SUSD4: variants seen among roughly 807,000 people sequenced by gnomAD.
The protein encoded by SUSD4 is sushi domain containing 4.
SUSD4 carries 41 observed loss-of-function variants against 50.5 expected under a neutral mutation model. The observed-to-expected ratio is 0.81, with a 90% CI of 0.63 to 1.05. SUSD4 has a LOEUF of 1.05. Ranked by LOEUF, SUSD4 falls within the 50% of genes least tolerant of loss-of-function variation. SUSD4 has a pLI of 0.00. For synonymous variants in SUSD4, 257 were observed against 257.3 expected, an observed-to-expected ratio of 1.00 and a Z score of 0.01; for missense variants, 580 against 634.7, an observed-to-expected ratio of 0.91 and a Z score of 0.93.
chr1:223,291,038 A>G (rs1196532435), intron 3 of SUSD4, among the ~76,000 whole-genome samples: 1 of 152,186 alleles, frequency 6.6e-6, no homozygotes, highest in Non-Finnish European at 1.5e-5. Context: ...AGAGGAAAAA[A>G]TGAACTTATT....
At chr1:223,327,720 G>A (rs1317850808) in intron 2 of SUSD4, among the ~76,000 whole-genome samples, 3 of 152,140 alleles carry the variant, frequency 2.0e-5, no homozygotes, top group Non-Finnish European at 2.9e-5. Context: ...TCAGGGCCCC[G>A]GCATGGCCCA....
chr1:223,234,887 A>C, intron 5 of SUSD4: 1 of 1,505,430 alleles, frequency 6.6e-7, no homozygotes. Context: ...GATCATGGTG[A>C]AATACAGTAT....
At chr1:223,326,166 G>C (rs1666866406) in intron 2 of SUSD4, among the ~76,000 whole-genome samples, 3 of 152,120 alleles carry the variant, frequency 2.0e-5, no homozygotes, top group Admixed American at 1.3e-4. Context: ...TAGACCAATG[G>C]AACAGAATAG....
Position 223,232,887 on chromosome 1 carries a change from C to T in SUSD4, c.725-3499G>A, listed in dbSNP as rs188262919. ...GTCTAATGAGTGAAACAATTCCCAA[C>T]TCCTCCAGTTGTTGAGAGGATTTGA... On this transcript the variant is annotated intron_variant, in intron 5 of 8. Transcript: ENST00000366878. Among the ~76,000 whole-genome samples, 77 of 152,332 alleles carry T rather than the reference C, an allele frequency of 5.1e-4. 1 individual carries two copies. Among genetic ancestry groups the T allele is most frequent in the Non-Finnish European group, 8.2e-4 (56 of 68,032 alleles).
chr1:223,252,444 C>A (rs1053617483), intron 5 of SUSD4, among the ~76,000 whole-genome samples: 4 of 151,572 alleles, frequency 2.6e-5, no homozygotes, highest in Non-Finnish European at 5.9e-5. Context: ...GTAGAGTCCC[C>A]CACAGCTAAC....
intron 2 of SUSD4, among the ~76,000 whole-genome samples, chr1:223,326,518 C>T (rs1291633679): frequency 3.3e-5 from 5 of 152,086 alleles, no homozygotes; most frequent in Non-Finnish European, 5.9e-5. Flanking sequence ...AACTAAAGAG[C>T]TTCTGTACAG....
intron 5 of SUSD4, among the ~76,000 whole-genome samples, chr1:223,242,576 C>T (rs890301130): frequency 1.3e-5 from 2 of 152,246 alleles, no homozygotes; most frequent in African/African-American, 2.4e-5. Context: ...TCCCTGTCCA[C>T]GTGGCAGGAT....
intron 2 of SUSD4, among the ~76,000 whole-genome samples, chr1:223,321,394 C>G (rs1434832378): frequency 6.6e-6 from 1 of 152,304 alleles, no homozygotes; most frequent in African/African-American, 2.4e-5. Flanking sequence ...TAATAAAGCA[C>G]TTACTGGCCA....
At chr1:223,329,829 G>A (rs2103268160) in intron 2 of SUSD4, among the ~76,000 whole-genome samples, 1 of 152,288 alleles carries the variant, frequency 6.6e-6, no homozygotes, top group Non-Finnish European at 1.5e-5. Flanking sequence ...TGGATGGATG[G>A]ATGGATGATT....
At chr1:223,304,712 T>TATACTTTG (rs1417043425) in intron 2 of SUSD4, among the ~76,000 whole-genome samples, 1 of 148,108 alleles carries the variant, frequency 6.8e-6, no homozygotes, top group Non-Finnish European at 1.5e-5. Flanking sequence ...AGTGAGAATG[T>TATACTTTG]ATACTTTGAA....
In SUSD4 at chr1:223,264,751, C is replaced by T. The variant is rs901470677; in HGVS notation, c.603G>A (p.Pro201=). 28 of 1,614,130 alleles carry T rather than the reference C, an allele frequency of 1.7e-5. No homozygotes were observed. The highest frequency in any genetic ancestry group is 2.1e-5 in the Non-Finnish European group (25 of 1,180,016). ...AGCGATAGGAGATCACAGTCCCCACCGGGAAGGAGGTCTGGAGCTCAGAGA... is the reference window on the plus strand; with the variant it reads ...AGCGATAGGAGATCACAGTCCCCACTGGGAAGGAGGTCTGGAGCTCAGAGA... ...VNISELQTSF[P]VGTVISYRCF... is the part of the protein sequence containing the mutation. The change falls in exon 5 of 9, where the codon CCG becomes CCA. Residue 201 remains proline (P), a synonymous_variant. Coordinates refer to ENST00000366878, the MANE Select transcript of SUSD4 (RefSeq NM_017982.4).
chr1:223,224,221 T>G (rs927651794), intron 7 of SUSD4, among the ~76,000 whole-genome samples: 1 of 152,072 alleles, frequency 6.6e-6, no homozygotes, highest in Middle Eastern at 3.2e-3. Flanking sequence ...CCTGTAGCCC[T>G]AGCTATTCAA....
At chr1:223,322,248 C>T (rs1666615726) in intron 2 of SUSD4, among the ~76,000 whole-genome samples, 1 of 152,180 alleles carries the variant, frequency 6.6e-6, no homozygotes. Flanking sequence ...AGTCAATTTC[C>T]TACCTCCAGA....
At chr1:223,348,812 T>A (rs1027429424) in intron 2 of SUSD4, among the ~76,000 whole-genome samples, 6 of 152,180 alleles carry the variant, frequency 3.9e-5, no homozygotes, top group East Asian at 1.9e-4. Flanking sequence ...TGATTTTTTT[T>A]AAAAGCTTTC....
At position 223,314,468 on chromosome 1, in the gene SUSD4, G is replaced by A. The variant is rs745734628; in HGVS notation, c.149-21817C>T. Reference sequence around the variant, plus strand: ...GACCCACACAGACTGGGGGAGACATGAGTGGGACAGAAAGATTTCAAAAAT... The same window carrying A: ...GACCCACACAGACTGGGGGAGACATAAGTGGGACAGAAAGATTTCAAAAAT... On this transcript the variant is annotated intron_variant, in intron 2 of 8. Transcript: ENST00000366878. Among the ~76,000 whole-genome samples the A allele has an allele frequency of 2.6e-5, 4 of 152,146 alleles. No individual in the cohort carries two copies. In the East Asian group the frequency reaches 5.8e-4, roughly 22 times the overall value.
At chr1:223,235,271 C>T (rs1364009979) in intron 5 of SUSD4, among the ~76,000 whole-genome samples, 1 of 152,138 alleles carries the variant, frequency 6.6e-6, no homozygotes, top group East Asian at 1.9e-4. Context: ...CGTATACTCC[C>T]TGCTCCCACG....
chr1:223,313,307 G>A (rs1037128735), intron 2 of SUSD4, among the ~76,000 whole-genome samples: 1 of 152,100 alleles, frequency 6.6e-6, no homozygotes, highest in Non-Finnish European at 1.5e-5. Context: ...CTATGTAATG[G>A]AGCCTTGGTA....
intron 2 of SUSD4, among the ~76,000 whole-genome samples, chr1:223,347,007 G>A (rs764093227): frequency 6.6e-6 from 1 of 151,992 alleles, no homozygotes; most frequent in Non-Finnish European, 1.5e-5. Flanking sequence ...TTCAACAAAT[G>A]TCTATTAAGC....
Position 223,344,882 on chromosome 1 carries a change from G to T in SUSD4, c.148+18396C>A, listed in dbSNP as rs1035726704. Among the ~76,000 whole-genome samples, 29 of 152,196 alleles carry T rather than the reference G, an allele frequency of 1.9e-4. 1 individual carries two copies. The highest frequency in any genetic ancestry group is 6.5e-4 in the African/African-American group (27 of 41,450). On this transcript the variant is annotated intron_variant, in intron 2 of 8. Transcript: ENST00000366878. ...TTTAGCACTCCTTGTTATGTTCAAG[G>T]CTGGGAATTTGGAAGCTAAAAGAAA...
Sources: allele counts gnomAD v4.1 joint callset (sites outside exome capture counted in the v4.1 genomes callset), GRCh38; gene constraint gnomAD v4.1.1; transcripts MANE v1.5; gene names NCBI Gene and HGNC (gene_info 2026-07-23, HGNC 2026-07-21).